The following IPO8 variants were observed in gnomAD, a reference collection of about 807,000 sequenced individuals.
IPO8 encodes importin 8.
A neutral mutation model predicts 141.2 loss-of-function variants in IPO8; 65 were observed. The observed-to-expected ratio is 0.46, with a 90% CI of 0.38 to 0.57. IPO8 has a LOEUF of 0.57. Ranked by LOEUF, IPO8 falls within the 20% of genes least tolerant of loss-of-function variation. The probability of loss-of-function intolerance (pLI) is 0.00; values close to 1 mark genes in which losing one functional copy is unlikely to be tolerated. For synonymous variants in IPO8, 411 were observed against 420.3 expected, an observed-to-expected ratio of 0.98 and a Z score of 0.27; for missense variants, 980 against 1,246.8, an observed-to-expected ratio of 0.79 and a Z score of 3.22.
Position 30,669,301 on chromosome 12 carries a change from AAAAAC to A in IPO8, c.1045-24_1045-20del. Reference sequence around the variant, plus strand: ...AGATATTCTAAAATGAGAAAAAAAAAAAAACGTAACAAATGGGTATAGGCTATTCA... The same window carrying A: ...AGATATTCTAAAATGAGAAAAAAAAAGTAACAAATGGGTATAGGCTATTCA... On this transcript the variant is annotated intron_variant, in intron 9 of 24. Transcript: ENST00000256079. The A allele has an allele frequency of 7.8e-7, 1 of 1,288,640 alleles. No homozygotes were observed. Among genetic ancestry groups the A allele is most frequent in the Non-Finnish European group, 1.1e-6 (1 of 912,256 alleles). The allele number at this position is 1,288,640 out of a possible 1,614,324, so 79.8% of individuals were successfully genotyped here.
Position 30,695,041 on chromosome 12 carries a change from C to T in IPO8, c.84+523G>A. The T allele has an allele frequency of 2.2e-6, 1 of 456,632 alleles. No individual in the cohort carries two copies. The highest frequency in any genetic ancestry group is 1.5e-5 in the South Asian group (1 of 64,558). The allele number at this position is 456,632 out of a possible 1,614,324, so 28.3% of individuals were successfully genotyped here. A position where few individuals can be genotyped will look rare whatever the true frequency, so the allele number is the denominator to read the frequency against. ...CTGCCTATTCTTCCCAGAGCACTCT[C>T]CCAACAGCACTGCCCAGCGCTCCGC... On this transcript the variant is annotated intron_variant, in intron 1 of 24. Transcript: ENST00000256079. This position sits in a 1 kb window ranked among gnomAD's most constrained non-coding sequence, Gnocchi z 4.2.
intron 12 of IPO8, 112 bp downstream of exon 12, chr12:30,665,617 C>G: frequency 1.5e-6 from 1 of 684,348 alleles, no homozygotes; most frequent in Non-Finnish European, 2.5e-6. Flanking sequence ...TAGTTGTGAA[C>G]TCAATTATCC....
intron 19 of IPO8, among the ~76,000 whole-genome samples, chr12:30,651,084 C>T (rs1208287068): frequency 6.6e-6 from 1 of 151,996 alleles, no homozygotes; most frequent in Non-Finnish European, 1.5e-5. Flanking sequence ...ATCAATTTTA[C>T]TATATCTGCA....
intron 21 of IPO8, 115 bp from the exon 22 acceptor site, chr12:30,637,302 A>G (rs747229167): frequency 2.6e-6 from 2 of 763,002 alleles, no homozygotes; most frequent in South Asian, 1.7e-5. Context: ...ATCTGTTGGT[A>G]TCATACAGAG....
intron 2 of IPO8, among the ~76,000 whole-genome samples, chr12:30,687,751 C>T (rs2053256206): frequency 6.6e-6 from 1 of 152,170 alleles, no homozygotes; most frequent in African/African-American, 2.4e-5. Flanking sequence ...AGGCATCTTT[C>T]TGTTTATTTC....
At chr12:30,663,948 T>A (rs1330184421) in intron 13 of IPO8, among the ~76,000 whole-genome samples, 1 of 152,218 alleles carries the variant, frequency 6.6e-6, no homozygotes, top group Non-Finnish European at 1.5e-5. Flanking sequence ...TTATAACTCA[T>A]AATTAATTTG....
At chr12:30,640,465 T>G (rs552112873) in intron 20 of IPO8, among the ~76,000 whole-genome samples, 1 of 152,256 alleles carries the variant, frequency 6.6e-6, no homozygotes, top group East Asian at 1.9e-4. Flanking sequence ...TATATTTGGG[T>G]CAGCAGACTA....
At chr12:30,682,167 C>T (rs1403105091) in intron 3 of IPO8, among the ~76,000 whole-genome samples, 1 of 152,076 alleles carries the variant, frequency 6.6e-6, no homozygotes, top group Non-Finnish European at 1.5e-5. Flanking sequence ...ATTTTGGTTA[C>T]CATATCCTGA....
intron 20 of IPO8, among the ~76,000 whole-genome samples, chr12:30,647,979 A>T (rs933190443): frequency 2.0e-5 from 3 of 152,180 alleles, no homozygotes; most frequent in African/African-American, 7.2e-5. Context: ...AACACAAAGA[A>T]ATTGGAACCC....
intron 24 of IPO8, among the ~76,000 whole-genome samples, chr12:30,631,428 A>T (rs1054096577): frequency 6.6e-6 from 1 of 152,224 alleles, no homozygotes; most frequent in Non-Finnish European, 1.5e-5. Flanking sequence ...ACACAGAGTA[A>T]TTCCTCCAGC....
Position 30,686,969 on chromosome 12 carries a change from T to C in IPO8, c.167-2512A>G, listed in dbSNP as rs186247910. ...TGAAAATATATTAAAAAGAAAATTTTAATTACTATGATGGATAATTATGGA... is the reference window on the plus strand; with the variant it reads ...TGAAAATATATTAAAAAGAAAATTTCAATTACTATGATGGATAATTATGGA... On this transcript the variant is annotated intron_variant, in intron 2 of 24. Transcript: ENST00000256079. Among the ~76,000 whole-genome samples, 160 of 152,230 alleles carry C rather than the reference T, an allele frequency of 1.1e-3. 5 individuals are homozygous for C. The highest frequency in any genetic ancestry group is 9.8e-3 in the Admixed American group (150 of 15,294).
chr12:30,691,553 A>G (rs188243852), intron 1 of IPO8, among the ~76,000 whole-genome samples: 7 of 152,286 alleles, frequency 4.6e-5, no homozygotes, highest in African/African-American at 7.2e-5. Flanking sequence ...GGACTATATT[A>G]CAGTCCTGTC....
At chr12:30,653,165 G>A in intron 17 of IPO8, 73 bp from the exon 18 acceptor site, 3 of 1,372,266 alleles carry the variant, frequency 2.2e-6, no homozygotes, top group Non-Finnish European at 3.0e-6. Context: ...CACAGAGGAG[G>A]GTTTAGACTA....
chr12:30,652,387 A>T (rs962576625), intron 18 of IPO8, 98 bp from the exon 19 acceptor site: 2 of 713,130 alleles, frequency 2.8e-6, no homozygotes, highest in East Asian at 2.6e-5. Context: ...ACACATTAGT[A>T]TCTTCCCATG....
At position 30,695,547 on chromosome 12, in the gene IPO8, G is replaced by T; in HGVS notation, c.84+17C>A. The T allele has an allele frequency of 6.2e-7, 1 of 1,611,044 alleles. No homozygotes were observed. Among genetic ancestry groups the T allele is most frequent in the Non-Finnish European group, 8.5e-7 (1 of 1,177,820 alleles). Reference sequence around the variant, plus strand: ...GCCCCTTCGGCGGAAGAGGGTCGCCGAAGACCCTCTCCTCACCTGGTTGAG... The same window carrying T: ...GCCCCTTCGGCGGAAGAGGGTCGCCTAAGACCCTCTCCTCACCTGGTTGAG... On this transcript the variant is annotated intron_variant, in intron 1 of 24. Coordinates refer to ENST00000256079, the MANE Select transcript of IPO8 (RefSeq NM_006390.4). The surrounding 1 kb of genome is among the most constrained non-coding windows in gnomAD (Gnocchi z 4.2).
chr12:30,633,090 G>C (rs1179444735), intron 23 of IPO8, among the ~76,000 whole-genome samples: 1 of 152,162 alleles, frequency 6.6e-6, no homozygotes, highest in African/African-American at 2.4e-5. Context: ...CGTTTATGCT[G>C]TTACGTTTCC....
In IPO8 at chr12:30,629,671, G is replaced by C. The variant is rs1415816295; in HGVS notation, c.*1189C>G. The C allele has an allele frequency of 6.6e-6, 1 of 152,088 alleles. No individual in the cohort carries two copies. The highest frequency in any genetic ancestry group is 1.5e-5 in the Non-Finnish European group (1 of 68,038). The allele number at this position is 152,088 out of a possible 1,614,324, so 9.4% of individuals were successfully genotyped here. A position where few individuals can be genotyped will look rare whatever the true frequency, so the allele number is the denominator to read the frequency against. On this transcript the variant is annotated 3_prime_UTR_variant, in exon 25 of 25. Transcript: ENST00000256079. ...CATGTTCTGGTCTTGAACTAGGTCAGAAAAACACTGTAATCTCCATATGCA... is the reference window on the plus strand; with the variant it reads ...CATGTTCTGGTCTTGAACTAGGTCACAAAAACACTGTAATCTCCATATGCA...
Position 30,695,542 on chromosome 12 carries a change from T to G in IPO8, c.84+22A>C, listed in dbSNP as rs1591850470. 1 of 1,604,470 alleles carries G rather than the reference T, an allele frequency of 6.2e-7. No homozygotes were observed. Among genetic ancestry groups the G allele is most frequent in the South Asian group, 1.1e-5 (1 of 90,758 alleles). ...GGGGCGCCCCTTCGGCGGAAGAGGGTCGCCGAAGACCCTCTCCTCACCTGG... is the reference window on the plus strand; with the variant it reads ...GGGGCGCCCCTTCGGCGGAAGAGGGGCGCCGAAGACCCTCTCCTCACCTGG... On this transcript the variant is annotated intron_variant, in intron 1 of 24. Transcript: ENST00000256079. This position sits in a 1 kb window ranked among gnomAD's most constrained non-coding sequence, Gnocchi z 4.2.
chr12:30,680,782 A>G lies in IPO8; in HGVS notation c.483-144T>C. On this transcript the variant is annotated intron_variant, in intron 4 of 24. Transcript: ENST00000256079. ...GCTTCTAGTTTGTTTGAATTGCTAGAATTAAGTTGAAAAGAAATTTAAAAT... is the reference window on the plus strand; with the variant it reads ...GCTTCTAGTTTGTTTGAATTGCTAGGATTAAGTTGAAAAGAAATTTAAAAT... 4 of 617,072 alleles carry G rather than the reference A, an allele frequency of 6.5e-6. No homozygotes were observed. In the South Asian group the frequency reaches 1.0e-4, roughly 16 times the overall value. 38.2% of individuals were successfully genotyped at this position (617,072 alleles called of 1,614,324 possible). A position where few individuals can be genotyped will look rare whatever the true frequency, so the allele number is the denominator to read the frequency against.
Sources: gnomAD v4.1 joint callset for allele counts (sites outside exome capture counted in the v4.1 genomes callset) on GRCh38, gnomAD v4.1.1 for gene constraint, Gnocchi (gnomAD v3.1) non-coding constraint, MANE v1.5 for transcripts, NCBI Gene and HGNC (gene_info 2026-07-23, HGNC 2026-07-21) for gene names.